Variants in ZNF609 observed in about 807,000 individuals in gnomAD.
ZNF609 encodes the protein zinc finger protein 609.
A neutral mutation model predicts 109.5 loss-of-function variants in ZNF609; 11 were observed. The observed-to-expected ratio is 0.10, with a 90% CI of 0.06 to 0.17. ZNF609 has a LOEUF of 0.17. Among genes scored for constraint, ZNF609 ranks in the 10% least tolerant of loss-of-function variants. ZNF609 has a pLI of 1.00. For synonymous variants in ZNF609, 646 were observed against 662.0 expected (o/e 0.98, Z 0.37); for missense variants, 1,559 against 1,772.4 (o/e 0.88, Z 2.16).
intron 2 of ZNF609, chr15:64,593,444 A>G: frequency 1.5e-6 from 1 of 653,782 alleles, no homozygotes; most frequent in South Asian, 1.8e-5. Flanking sequence ...TGACACAAAA[A>G]TGTTCACGAT....
Position 64,663,593 on chromosome 15 carries a change from C to T in ZNF609, c.974-6753C>T, listed in dbSNP as rs1010308295. Among the ~76,000 whole-genome samples the T allele has an allele frequency of 3.2e-4, 49 of 152,198 alleles. 1 individual carries two copies. The highest frequency in any genetic ancestry group is 1.0e-3 in the African/African-American group (43 of 41,520). On this transcript the variant is annotated intron_variant, in intron 3 of 9. Coordinates refer to ENST00000326648, the MANE Select transcript of ZNF609 (RefSeq NM_015042.2). ...GGATAGAAGTTTGAGTCATCAGCTA[C>T]ACATGAAGTACCAGCAAAAGATGCT...
At chr15:64,631,399 G>T in intron 3 of ZNF609, 1 of 731,420 alleles carries the variant, frequency 1.4e-6, no homozygotes, top group Non-Finnish European at 2.5e-6. Context: ...GGACACTGTA[G>T]ACTCTTCCAG....
intron 2 of ZNF609, among the ~76,000 whole-genome samples, chr15:64,507,808 C>G (rs1449096749): frequency 6.6e-6 from 1 of 152,138 alleles, no homozygotes; most frequent in Non-Finnish European, 1.5e-5. Flanking sequence ...CTTTTCTCTT[C>G]ACTTAATTTC....
intron 3 of ZNF609, among the ~76,000 whole-genome samples, chr15:64,668,079 A>G (rs2141009730): frequency 6.6e-6 from 1 of 152,330 alleles, no homozygotes; most frequent in South Asian, 2.1e-4. Context: ...CTGAGTCCCT[A>G]GGGGGCCAGA....
At chr15:64,480,111 G>A (rs1485811373) in intron 1 of ZNF609, among the ~76,000 whole-genome samples, 1 of 151,334 alleles carries the variant, frequency 6.6e-6, no homozygotes, top group Non-Finnish European at 1.5e-5. Flanking sequence ...GGTGGCAGGT[G>A]CCTGTAATCC....
Position 64,515,042 on chromosome 15 carries a change from A to G in ZNF609, c.747+14876A>G, listed in dbSNP as rs187965529. Among the ~76,000 whole-genome samples the G allele has an allele frequency of 6.2e-4, 95 of 152,274 alleles. 1 individual carries two copies. Among genetic ancestry groups the G allele is most frequent in the African/African-American group, 2.2e-3 (91 of 41,550 alleles). On this transcript the variant is annotated intron_variant, in intron 2 of 9. Coordinates refer to ENST00000326648, the MANE Select transcript of ZNF609 (RefSeq NM_015042.2). ...GGTCTTGTCTTAAGCAAATGGGATT[A>G]TATTTAGTTATGCAGATTTAGGAAG...
chr15:64,482,266 GT>G (rs941927299), intron 1 of ZNF609, among the ~76,000 whole-genome samples: 5 of 151,982 alleles, frequency 3.3e-5, no homozygotes, highest in Non-Finnish European at 7.4e-5. Flanking sequence ...TTTTTTAAAA[GT>G]TTTTTTCTGA....
intron 2 of ZNF609, among the ~76,000 whole-genome samples, chr15:64,538,669 C>T (rs1170699602): frequency 6.6e-6 from 1 of 152,016 alleles, no homozygotes; most frequent in Non-Finnish European, 1.5e-5. Context: ...GCCTCAGCCT[C>T]CTGAGTAGCT....
chr15:64,557,800 C>A (rs1219765662), intron 2 of ZNF609, among the ~76,000 whole-genome samples: 1 of 152,044 alleles, frequency 6.6e-6, no homozygotes, highest in Non-Finnish European at 1.5e-5. Context: ...AGGTTCACGC[C>A]GTTCTCCTGC....
At chr15:64,468,257 T>C (rs1893042855) in intron 1 of ZNF609, among the ~76,000 whole-genome samples, 1 of 150,288 alleles carries the variant, frequency 6.7e-6, no homozygotes, top group African/African-American at 2.4e-5. Flanking sequence ...TCCTTTCCTT[T>C]CCTTTCTTTT....
At chr15:64,514,483 A>G (rs1443212196) in intron 2 of ZNF609, among the ~76,000 whole-genome samples, 2 of 152,192 alleles carry the variant, frequency 1.3e-5, no homozygotes, top group African/African-American at 2.4e-5. Context: ...TTGAACAAGA[A>G]CTATCATGTA....
chr15:64,561,704 A>G (rs1017569796), intron 2 of ZNF609, among the ~76,000 whole-genome samples: 3 of 151,916 alleles, frequency 2.0e-5, no homozygotes, highest in Non-Finnish European at 4.4e-5. Context: ...GCAGTCTCAT[A>G]ATAATTTTCA....
At chr15:64,569,824 C>T (rs1216312801) in intron 2 of ZNF609, among the ~76,000 whole-genome samples, 2 of 152,216 alleles carry the variant, frequency 1.3e-5, no homozygotes, top group African/African-American at 4.8e-5. Context: ...CAGTGTTAGA[C>T]AGCTAGTTAA....
rs1305694010 is a variant in ZNF609, at chr15:64,562,696, T to C, written c.748-60131T>C. Among the ~76,000 whole-genome samples the C allele has an allele frequency of 2.6e-5, 4 of 151,916 alleles. No individual in the cohort carries two copies. The Admixed American group carries it at 2.6e-4, about 10-fold the overall frequency. ...TTGTTTATTTGCAATAATTTCATGATTGTCGTAATTAAACTATAGCCCGAG... is the reference window on the plus strand; with the variant it reads ...TTGTTTATTTGCAATAATTTCATGACTGTCGTAATTAAACTATAGCCCGAG... On this transcript the variant is annotated intron_variant, in intron 2 of 9. Coordinates refer to ENST00000326648, the MANE Select transcript of ZNF609 (RefSeq NM_015042.2).
intron 2 of ZNF609, among the ~76,000 whole-genome samples, chr15:64,516,370 GT>G (rs1209555406): frequency 6.6e-6 from 1 of 151,872 alleles, no homozygotes; most frequent in African/African-American, 2.4e-5. Flanking sequence ...GGGTTTTTTT[GT>G]TTGTTTTTGC....
chr15:64,548,926 T>A (rs1372244336), intron 2 of ZNF609, among the ~76,000 whole-genome samples: 2 of 152,194 alleles, frequency 1.3e-5, no homozygotes, highest in African/African-American at 4.8e-5. Context: ...CTTTCTTCTG[T>A]TCATGTAGTG....
At chr15:64,658,792 C>CA (rs199554544) in intron 3 of ZNF609, among the ~76,000 whole-genome samples, 12,847 of 133,028 alleles carry the variant, frequency 0.097, 927 homozygotes, top group African/African-American at 0.22. Context: ...GATCCTGTCT[C>CA]AAAAAAAAAA....
In ZNF609 at chr15:64,496,921, C is replaced by A. The variant is rs535971759; in HGVS notation, c.-127-2372C>A. Reference sequence around the variant, plus strand: ...CTCGACCTCCCAGGCTCAAGCCATCCTCCCACCTTTCAGCTCCCTGAGTAG... The same window carrying A: ...CTCGACCTCCCAGGCTCAAGCCATCATCCCACCTTTCAGCTCCCTGAGTAG... On this transcript the variant is annotated intron_variant, in intron 1 of 9. Transcript: ENST00000326648. Among the ~76,000 whole-genome samples the A allele has an allele frequency of 2.3e-4, 35 of 152,326 alleles. 2 individuals are homozygous for A. In the East Asian group the frequency reaches 5.6e-3, roughly 24 times the overall value.
Position 64,564,244 on chromosome 15 carries a change from A to G in ZNF609, c.748-58583A>G, listed in dbSNP as rs144639014. 4.2e-3 allele frequency among the ~76,000 whole-genome samples: 637 copies of G among 152,106 alleles called. 7 individuals are homozygous for G. Among genetic ancestry groups the G allele is most frequent in the African/African-American group, 0.015 (605 of 41,486 alleles). On this transcript the variant is annotated intron_variant, in intron 2 of 9. Coordinates refer to ENST00000326648, the MANE Select transcript of ZNF609 (RefSeq NM_015042.2). ...AACAGTTTATGTAAGGTTAGGTACT[A>G]TTCGTGGTTTCAGGTACCCACCGGG...
Sources: allele counts gnomAD v4.1 joint callset (sites outside exome capture counted in the v4.1 genomes callset), GRCh38; gene constraint gnomAD v4.1.1; transcripts MANE v1.5; gene names NCBI Gene and HGNC (gene_info 2026-07-23, HGNC 2026-07-21).